ELAVL4: variants seen among roughly 807,000 people sequenced by gnomAD.
ELAVL4 encodes the protein ELAV like RNA binding protein 4, also known as ELAV-like protein 4.
ELAVL4 carries 1 observed loss-of-function variant against 35.6 expected under a neutral mutation model. The ratio of observed to expected loss-of-function variants is 0.03; its 90% CI spans 0.01 to 0.13. The LOEUF is 0.13. Among genes scored for constraint, ELAVL4 ranks in the 10% least tolerant of loss-of-function variants. The probability of loss-of-function intolerance (pLI) is 1.00; values close to 1 mark genes in which losing one functional copy is unlikely to be tolerated. For synonymous variants in ELAVL4, 156 were observed against 171.0 expected, an observed-to-expected ratio of 0.91 and a Z score of 0.69; for missense variants, 267 against 464.9, an observed-to-expected ratio of 0.57 and a Z score of 3.91.
At chr1:50,126,774 A>G (rs1368147699) in intron 1 of ELAVL4, among the ~76,000 whole-genome samples, 1 of 152,148 alleles carries the variant, frequency 6.6e-6, no homozygotes, top group East Asian at 1.9e-4. Context: ...CAATGTGTAG[A>G]CCTGAAATTA....
At chr1:50,171,913 G>T (rs1679071479) in intron 2 of ELAVL4, among the ~76,000 whole-genome samples, 1 of 152,160 alleles carries the variant, frequency 6.6e-6, no homozygotes. Context: ...GGTGACTGGG[G>T]ATTTTATCAT....
intron 2 of ELAVL4, among the ~76,000 whole-genome samples, chr1:50,147,312 T>A (rs994549377): frequency 6.6e-6 from 1 of 152,216 alleles, no homozygotes; most frequent in Non-Finnish European, 1.5e-5. Flanking sequence ...AACTTGTGGT[T>A]GTAAAGAGTG....
At chr1:50,069,239 A>G (rs887542350) in intron 1 of ELAVL4, among the ~76,000 whole-genome samples, 1 of 152,178 alleles carries the variant, frequency 6.6e-6, no homozygotes, top group Non-Finnish European at 1.5e-5. Flanking sequence ...AGGACACCTC[A>G]TTCTCTGTGA....
intron 1 of ELAVL4, among the ~76,000 whole-genome samples, chr1:50,069,338 T>C (rs1319860502): frequency 2.0e-5 from 3 of 152,198 alleles, no homozygotes; most frequent in Non-Finnish European, 4.4e-5. Flanking sequence ...TGTATACTGC[T>C]CCACACCTCA....
chr1:50,184,854 C>T (rs191063800), intron 3 of ELAVL4, among the ~76,000 whole-genome samples: 1 of 152,278 alleles, frequency 6.6e-6, no homozygotes, highest in East Asian at 1.9e-4. Flanking sequence ...TCCCTTCTAG[C>T]TCTAAGATGC....
At chr1:50,187,858 G>C (rs1682063144) in intron 3 of ELAVL4, among the ~76,000 whole-genome samples, 2 of 152,310 alleles carry the variant, frequency 1.3e-5, no homozygotes, top group South Asian at 4.1e-4. Flanking sequence ...CACTTTGAGA[G>C]GCTGAGACGA....
chr1:50,097,174 C>G (rs1025681826), intron 1 of ELAVL4, among the ~76,000 whole-genome samples: 18 of 152,148 alleles, frequency 1.2e-4, no homozygotes, highest in Non-Finnish European at 2.4e-4. Context: ...GAGCCATGAT[C>G]ATGCCACTGC....
chr1:50,156,525 G>C (rs749897616), intron 2 of ELAVL4, among the ~76,000 whole-genome samples: 12 of 152,180 alleles, frequency 7.9e-5, no homozygotes, highest in Non-Finnish European at 1.6e-4. Context: ...TTCCAAGTAG[G>C]AAGTAGGAGA....
Position 50,201,295 on chromosome 1 carries a change from A to G in ELAVL4, c.*117A>G, listed in dbSNP as rs1399989133. 4 of 1,273,018 alleles carry G rather than the reference A, an allele frequency of 3.1e-6. No individual in the cohort carries two copies. The highest frequency in any genetic ancestry group is 4.2e-6 in the Non-Finnish European group (4 of 963,828). The allele number at this position is 1,273,018 out of a possible 1,614,324, so 78.9% of individuals were successfully genotyped here. The stretch of plus-strand genomic sequence containing the variant: ...ACAAACTTTTCAAGGCTTATATTCA[A>G]CCATGGACTTTATAAGCCAGTGTTG... On this transcript the variant is annotated 3_prime_UTR_variant, in exon 7 of 7. Coordinates refer to ENST00000371824, the MANE Select transcript of ELAVL4 (RefSeq NM_001144774.3). This position sits in a 1 kb window ranked among gnomAD's most constrained non-coding sequence, Gnocchi z 4.3.
At chr1:50,096,916 A>C (rs1466528542) in intron 1 of ELAVL4, among the ~76,000 whole-genome samples, 1 of 152,170 alleles carries the variant, frequency 6.6e-6, no homozygotes, top group Non-Finnish European at 1.5e-5. Flanking sequence ...CCAGTTCTGC[A>C]TTTTATTAAA....
intron 2 of ELAVL4, among the ~76,000 whole-genome samples, chr1:50,159,364 G>C (rs1421180281): frequency 6.6e-6 from 1 of 152,122 alleles, no homozygotes; most frequent in African/African-American, 2.4e-5. Flanking sequence ...TCCTGGCACT[G>C]TGGGAGACCG....
In ELAVL4 at chr1:50,203,617, T is replaced by C. The variant is rs531978008; in HGVS notation, c.*2439T>C. On this transcript the variant is annotated 3_prime_UTR_variant, in exon 7 of 7. Coordinates refer to ENST00000371824, the MANE Select transcript of ELAVL4 (RefSeq NM_001144774.3). ...AAAATCTTAGGACCAGGCAGTTGTA[T>C]ACTTTAGTTATTAATGAATGACTTC... 3 of 152,316 alleles carry C rather than the reference T, an allele frequency of 2.0e-5. No individual in the cohort carries two copies. Among genetic ancestry groups the C allele is most frequent in the South Asian group, 2.1e-4 (1 of 4,828 alleles). 9.4% of individuals were successfully genotyped at this position (152,316 alleles called of 1,614,324 possible).
chr1:50,052,482 G>T (rs930159374), intron 1 of ELAVL4, among the ~76,000 whole-genome samples: 3 of 152,170 alleles, frequency 2.0e-5, no homozygotes, highest in Non-Finnish European at 2.9e-5. Flanking sequence ...AATCTTTCTA[G>T]TTTTATAGTA....
In ELAVL4 at chr1:50,201,361, G is replaced by A. The variant is rs1644385566; in HGVS notation, c.*183G>A. ...ATTGGATTATCCTGAGGTGTACCAG[G>A]AAAGGATTTTATAATGCTTAGAAAA... On this transcript the variant is annotated 3_prime_UTR_variant, in exon 7 of 7. Coordinates refer to ENST00000371824, the MANE Select transcript of ELAVL4 (RefSeq NM_001144774.3). The surrounding 1 kb of genome is among the most constrained non-coding windows in gnomAD (Gnocchi z 4.3). 20 of 503,084 alleles carry A rather than the reference G, an allele frequency of 4.0e-5. No homozygotes were observed. The highest frequency in any genetic ancestry group is 6.2e-4 in the Middle Eastern group (1 of 1,616). The allele number at this position is 503,084 out of a possible 1,614,324, so 31.2% of individuals were successfully genotyped here.
chr1:50,189,509 T>A (rs1682343781), intron 3 of ELAVL4, among the ~76,000 whole-genome samples: 1 of 152,204 alleles, frequency 6.6e-6, no homozygotes, highest in Non-Finnish European at 1.5e-5. Flanking sequence ...TAGAGGACAT[T>A]CATGTCAGTA....
chr1:50,095,235 T>C (rs1179624342), intron 1 of ELAVL4, among the ~76,000 whole-genome samples: 1 of 152,188 alleles, frequency 6.6e-6, no homozygotes, highest in Non-Finnish European at 1.5e-5. Flanking sequence ...TTTCTTTCAT[T>C]ATAGTATTAT....
chr1:50,133,619 G>GAAAGAAAGA (rs1557754887), intron 1 of ELAVL4, among the ~76,000 whole-genome samples: 2 of 144,632 alleles, frequency 1.4e-5, no homozygotes, highest in African/African-American at 5.1e-5. Flanking sequence ...AAGAAAGAAA[G>GAAAGAAAGA]AAAGAAAGAA....
At chr1:50,185,359 T>C (rs1240974455) in intron 3 of ELAVL4, among the ~76,000 whole-genome samples, 1 of 152,268 alleles carries the variant, frequency 6.6e-6, no homozygotes, top group East Asian at 1.9e-4. Context: ...ATCTGCAAAA[T>C]GATTTTTTCC....
chr1:50,178,988 A>G (rs1457435731), intron 3 of ELAVL4, among the ~76,000 whole-genome samples: 2 of 151,228 alleles, frequency 1.3e-5, no homozygotes, highest in Non-Finnish European at 1.5e-5. Flanking sequence ...AGTATTCCAT[A>G]AGGCCACTGT....
Sources: gnomAD v4.1 joint callset for allele counts (sites outside exome capture counted in the v4.1 genomes callset) on GRCh38, gnomAD v4.1.1 for gene constraint, Gnocchi (gnomAD v3.1) non-coding constraint, MANE v1.5 for transcripts, NCBI Gene and HGNC (gene_info 2026-07-23, HGNC 2026-07-21) for gene names.